RELB: variants seen among roughly 807,000 people sequenced by gnomAD.
RELB encodes the protein RELB proto-oncogene, NF-kB subunit.
In RELB, 14 loss-of-function variants were observed where a neutral mutation model predicts 55.4. That is an observed-to-expected ratio of 0.25 (90% CI 0.17 to 0.40). The LOEUF (loss-of-function observed/expected upper bound fraction) is 0.40, where lower values mean the gene tolerates loss of function less well. Ranked by LOEUF, RELB falls within the 10% of genes least tolerant of loss-of-function variation. The probability of loss-of-function intolerance (pLI) is 1.00; values close to 1 mark genes in which losing one functional copy is unlikely to be tolerated. For synonymous variants in RELB, 409 were observed against 371.3 expected (o/e 1.10, Z -1.17); for missense variants, 669 against 830.7 (o/e 0.81, Z 2.39).
At chr19:45,006,571 G>T (rs1219644759) in intron 2 of RELB, among the ~76,000 whole-genome samples, 2 of 152,076 alleles carry the variant, frequency 1.3e-5, no homozygotes, top group African/African-American at 2.4e-5. Context: ...AGGAGAAACA[G>T]ACATTATTCC....
At chr19:45,004,689 GAA>G (rs1971261803) in intron 2 of RELB, among the ~76,000 whole-genome samples, 1 of 151,600 alleles carries the variant, frequency 6.6e-6, no homozygotes, top group Non-Finnish European at 1.5e-5. Flanking sequence ...CCAACATGGA[GAA>G]ACACCATCTC....
chr19:45,034,454 C>A lies in RELB; in HGVS notation c.1280C>A (p.Pro427His). Reference sequence around the variant, plus strand: ...CCTCATCTCTGCCTTCCCTCAGACCCCCATGGCATCGAGAGCAAACGGCGG... The same window carrying A: ...CCTCATCTCTGCCTTCCCTCAGACCACCATGGCATCGAGAGCAAACGGCGG... Reference protein sequence around the residue: ...DVLGELNSSDPHGIESKRRKK... With the variant: ...DVLGELNSSDHHGIESKRRKK... Residue 427 changes from proline (P) to histidine (H), a missense_variant, in exon 11 of 12, where the codon CCC becomes CAC. Pro to His is a moderately conservative substitution (Grantham distance 77, BLOSUM62 -2). Transcript: ENST00000221452. 6.2e-7 allele frequency: 1 copy of A among 1,612,142 alleles called. No homozygotes were observed. The highest frequency in any genetic ancestry group is 2.2e-5 in the East Asian group (1 of 44,778).
chr19:45,008,452 C>A (rs1477887850), intron 2 of RELB: 3 of 456,094 alleles, frequency 6.6e-6, no homozygotes, highest in African/African-American at 6.0e-5. Flanking sequence ...GTCTTTGGGT[C>A]CCCAGGTTCA....
chr19:45,024,803 C>T (rs1318631722), intron 5 of RELB, among the ~76,000 whole-genome samples: 1 of 151,968 alleles, frequency 6.6e-6, no homozygotes, highest in Non-Finnish European at 1.5e-5. Context: ...CCACCTTGGC[C>T]TCCCAAAGTG....
Position 45,012,283 on chromosome 19 carries a change from C to G in RELB, c.504+7C>G, listed in dbSNP as rs1971371396. 7 of 1,394,588 alleles carry G rather than the reference C, an allele frequency of 5.0e-6. No homozygotes were observed. The highest frequency in any genetic ancestry group is 6.5e-6 in the Non-Finnish European group (7 of 1,081,118). 86.4% of individuals were successfully genotyped at this position (1,394,588 alleles called of 1,614,324 possible). A position where few individuals can be genotyped will look rare whatever the true frequency, so the allele number is the denominator to read the frequency against. On this transcript the variant is annotated splice_region_variant and intron_variant, in intron 4 of 11. Transcript: ENST00000221452. ...GACGCTGCCCGCCATCGAGGTGGGC[C>G]CGGCGAGCGGCCCCGGGCGGGTGGG...
rs1466683069 is a variant in RELB at position 45,034,475 on chromosome 19, G to A, written c.1301G>A (p.Arg434Gln). The change falls in exon 11 of 12, where the codon CGG (arginine) becomes CAG (glutamine). Residue 434 changes from arginine to glutamine, a missense_variant. By Grantham distance (43) the Arg-to-Gln change is conservative. Around this residue, in one of 3 missense-constraint regions of RELB, gnomAD observed 341 missense variants for 436.8 expected, o/e 0.78. Transcript: ENST00000221452. The part of the protein sequence containing the change: ...SSDPHGIESK[R>Q]RKKKPAILDH... ...GACCCCCATGGCATCGAGAGCAAAC[G>A]GCGGAAGAAAAAGCCGGCCATCCTG... is the stretch of plus-strand genomic sequence containing the variant. The A allele has an allele frequency of 6.2e-6, 10 of 1,611,410 alleles. No individual in the cohort carries two copies. Among genetic ancestry groups the A allele is most frequent in the Admixed American group, 1.7e-5 (1 of 59,570 alleles).
chr19:45,025,181 C>T, intron 5 of RELB, 148 bp from the exon 6 acceptor site: 1 of 643,060 alleles, frequency 1.6e-6, no homozygotes, highest in Non-Finnish European at 2.8e-6. Flanking sequence ...AAACCCCAGA[C>T]CGTTTCTAAT....
At chr19:45,018,088 G>A (rs1037170434) in intron 4 of RELB, among the ~76,000 whole-genome samples, 11 of 151,778 alleles carry the variant, frequency 7.2e-5, no homozygotes, top group African/African-American at 2.7e-4. Context: ...CCAACATGGA[G>A]AAACCCCATC....
rs561866016 is a variant in RELB at position 45,022,756 on chromosome 19, C to A, written c.662+546C>A. The stretch of plus-strand genomic sequence containing the variant: ...TAGAAATGGGGTTTCACCATGTTGA[C>A]CAGGCTGGTCTCGAACTGCTGACCT... On this transcript the variant is annotated intron_variant, in intron 5 of 11. Coordinates refer to ENST00000221452, the MANE Select transcript of RELB (RefSeq NM_006509.4). Among the ~76,000 whole-genome samples the A allele has an allele frequency of 5.9e-5, 9 of 152,162 alleles. No homozygotes were observed. The South Asian group carries it at 8.3e-4, about 14-fold the overall frequency.
intron 2 of RELB, among the ~76,000 whole-genome samples, chr19:45,006,863 G>A (rs538692697): frequency 1.3e-5 from 2 of 151,010 alleles, no homozygotes; most frequent in East Asian, 2.0e-4. Flanking sequence ...GCTGAGGCAG[G>A]AGAATCACTT....
chr19:45,003,913 G>T (rs34999647), intron 2 of RELB, among the ~76,000 whole-genome samples: 1,832 of 52,556 alleles, frequency 0.035, 74 homozygotes, highest in African/African-American at 0.11. Context: ...TCTGTTTTTT[G>T]TGTTTTTTTT....
At chr19:45,025,828 G>A in intron 7 of RELB, 91 bp downstream of exon 7, 2 of 1,507,534 alleles carry the variant, frequency 1.3e-6, no homozygotes, top group Non-Finnish European at 1.8e-6. Flanking sequence ...CTCAGGCGCT[G>A]TGGCTCACGC....
intron 2 of RELB, among the ~76,000 whole-genome samples, chr19:45,004,746 A>G (rs946140667): frequency 6.6e-6 from 1 of 151,914 alleles, no homozygotes; most frequent in Admixed American, 6.6e-5. Flanking sequence ...GCATGCCTGT[A>G]ATCCCAAATA....
In RELB at chr19:45,031,201, T is replaced by G. The variant is rs368113112; in HGVS notation, c.992-1333T>G. On this transcript the variant is annotated intron_variant, in intron 8 of 11. Transcript: ENST00000221452. The stretch of plus-strand genomic sequence containing the variant: ...GTCTCAACACTTTCAAGCCTCAGTT[T>G]CCGTTTTTGTTTTTTTTTTTAAGAA... Among the ~76,000 whole-genome samples the G allele has an allele frequency of 4.5e-3, 684 of 151,770 alleles. 4 individuals are homozygous for G. The highest frequency in any genetic ancestry group is 0.015 in the African/African-American group (632 of 41,364).
At chr19:45,023,393 TTTCCTTCCTTCCTTCCTTCC>T in intron 5 of RELB, among the ~76,000 whole-genome samples, 1 of 144,686 alleles carries the variant, frequency 6.9e-6, no homozygotes, top group South Asian at 2.3e-4. Context: ...TGCAGTTTTC[TTTCCTTCCTTCCTTCCTTCC>T]TTCCTTCCTT....
chr19:45,027,885 A>G (rs1301404656), intron 7 of RELB, among the ~76,000 whole-genome samples: 1 of 151,916 alleles, frequency 6.6e-6, no homozygotes, highest in African/African-American at 2.4e-5. Flanking sequence ...AATTATTTTT[A>G]TTATTTTTTT....
chr19:45,022,234 C>A, intron 5 of RELB, 24 bp downstream of exon 5: 1 of 1,567,148 alleles, frequency 6.4e-7, no homozygotes, highest in Non-Finnish European at 8.6e-7. Flanking sequence ...GACCTCCGAC[C>A]TCTCATCCTT....
rs777753328 is a variant in RELB, at chr19:45,032,713, G to A, written c.1171G>A (p.Glu391Lys). Residue 391 changes from glutamate to lysine, a missense_variant, in exon 9 of 12, where the codon GAG (glutamate) becomes AAG (lysine). By Grantham distance (56) the Glu-to-Lys change is moderately conservative. Transcript: ENST00000221452. Reference sequence around the variant, plus strand: ...GCGGCTCACCGATGGGGTCTGCAGCGAGCCATTGCCTTTCACGTACCTGCC... The same window carrying A: ...GCGGCTCACCGATGGGGTCTGCAGCAAGCCATTGCCTTTCACGTACCTGCC... ...LQRLTDGVCS[E>K]PLPFTYLPRD... 1 of 1,609,376 alleles carries A rather than the reference G, an allele frequency of 6.2e-7. No individual in the cohort carries two copies. Among genetic ancestry groups the A allele is most frequent in the Non-Finnish European group, 8.5e-7 (1 of 1,178,022 alleles).
intron 3 of RELB, among the ~76,000 whole-genome samples, chr19:45,010,132 C>G (rs1172946683): frequency 6.8e-6 from 1 of 147,194 alleles, no homozygotes; most frequent in African/African-American, 2.5e-5. Flanking sequence ...AGACCCCCAT[C>G]TCTACACAAA....
Sources: gnomAD v4.1 joint callset for allele counts (sites outside exome capture counted in the v4.1 genomes callset) on GRCh38, gnomAD v4.1.1 for gene constraint, gnomAD v4.1.1 regional missense constraint, MANE v1.5 for transcripts, NCBI Gene and HGNC (gene_info 2026-07-23, HGNC 2026-07-21) for gene names.